Variants in PTBP2 observed in about 807,000 individuals in gnomAD.
PTBP2 encodes polypyrimidine tract binding protein 2, also known as polypyrimidine tract-binding protein 2.
A neutral mutation model predicts 61.4 loss-of-function variants in PTBP2; 13 were observed. The ratio of observed to expected loss-of-function variants is 0.21; its 90% confidence interval spans 0.14 to 0.34. The LOEUF is 0.34. Ranked by LOEUF, PTBP2 falls within the 10% of genes least tolerant of loss-of-function variation. PTBP2 has a pLI of 1.00. For missense variants in PTBP2, 405 were observed against 642.6 expected, an observed-to-expected ratio of 0.63 and a Z score of 4.00; for synonymous variants, 215 against 218.5, an observed-to-expected ratio of 0.98 and a Z score of 0.14.
chr1:96,806,400 CTCT>C lies in PTBP2; in HGVS notation c.1045-15_1045-13del, dbSNP rs1661501088. On this transcript the variant is annotated splice_polypyrimidine_tract_variant and intron_variant, in intron 9 of 13. Coordinates refer to ENST00000674951, the MANE Select transcript of PTBP2 (RefSeq NM_021190.4). ...CTCTCTTCTTGTCTTACGCTGCTTG[CTCT>C]TCTCTCCTTCTAAAGATGGTTACGC... The C allele has an allele frequency of 6.4e-7, 1 of 1,559,304 alleles. No individual in the cohort carries two copies. The highest frequency in any genetic ancestry group is 2.2e-5 in the East Asian group (1 of 44,610).
intron 7 of PTBP2, among the ~76,000 whole-genome samples, chr1:96,781,764 C>T (rs1295130154): frequency 6.6e-6 from 1 of 151,900 alleles, no homozygotes; most frequent in Admixed American, 6.6e-5. Flanking sequence ...TTGCTTTCTG[C>T]TGTATTTATT....
intron 2 of PTBP2, among the ~76,000 whole-genome samples, chr1:96,748,926 G>A (rs1023131903): frequency 6.6e-6 from 1 of 152,062 alleles, no homozygotes; most frequent in Non-Finnish European, 1.5e-5. Flanking sequence ...GCAAAGACAG[G>A]CATAATTGCT....
At chr1:96,724,384 G>GA in intron 2 of PTBP2, among the ~76,000 whole-genome samples, 1 of 152,062 alleles carries the variant, frequency 6.6e-6, no homozygotes, top group African/African-American at 2.4e-5. Context: ...CTGAGTAGCT[G>GA]GGATTACAGG....
intron 11 of PTBP2, among the ~76,000 whole-genome samples, chr1:96,809,713 T>TC: frequency 6.6e-6 from 1 of 152,232 alleles, no homozygotes; most frequent in Non-Finnish European, 1.5e-5. Flanking sequence ...AGAGATGAGT[T>TC]CTCACTGTGT....
chr1:96,809,185 G>T (rs1661793467), intron 11 of PTBP2, among the ~76,000 whole-genome samples: 1 of 152,032 alleles, frequency 6.6e-6, no homozygotes, highest in Non-Finnish European at 1.5e-5. Context: ...TATAGTGGTG[G>T]ATTTCAATTC....
rs542396898 is a variant in PTBP2 at position 96,744,230 on chromosome 1, A to C, written c.40-7195A>C. 2.4e-4 allele frequency among the ~76,000 whole-genome samples: 37 copies of C among 152,290 alleles called. No individual in the cohort carries two copies. In the East Asian group the frequency reaches 2.7e-3, roughly 11 times the overall value. ...CAGACTGAGATTCCATCTAAAAACA[A>C]AACCATGTATATATGTAAGTTTGAG... is the stretch of plus-strand genomic sequence containing the variant. On this transcript the variant is annotated intron_variant, in intron 2 of 13. Transcript: ENST00000674951.
At position 96,797,544 on chromosome 1, in the gene PTBP2, C is replaced by T. The variant is rs533935022; in HGVS notation, c.905-7256C>T. Among the ~76,000 whole-genome samples the T allele has an allele frequency of 8.5e-5, 13 of 152,122 alleles. No individual in the cohort carries two copies. The East Asian group carries it at 1.7e-3, about 20-fold the overall frequency. ...ATCAGGAAATGTAAAATGTGCCTTCCAGACCCCTTGGTGGTATACATGGGA... is the reference window on the plus strand; with the variant it reads ...ATCAGGAAATGTAAAATGTGCCTTCTAGACCCCTTGGTGGTATACATGGGA... On this transcript the variant is annotated intron_variant, in intron 8 of 13. Coordinates refer to ENST00000674951, the MANE Select transcript of PTBP2 (RefSeq NM_021190.4).
chr1:96,779,316 T>G (rs555259533), intron 7 of PTBP2, among the ~76,000 whole-genome samples: 27 of 152,098 alleles, frequency 1.8e-4, no homozygotes, highest in Non-Finnish European at 3.5e-4. Flanking sequence ...CTTCAAACGT[T>G]TAAATATAGT....
rs1057502145 is a variant in PTBP2, at chr1:96,743,456, C to G, written c.40-7969C>G. Among the ~76,000 whole-genome samples, 6 of 152,134 alleles carry G rather than the reference C, an allele frequency of 3.9e-5. No homozygotes were observed. The South Asian group carries it at 1.2e-3, about 32-fold the overall frequency. On this transcript the variant is annotated intron_variant, in intron 2 of 13. Coordinates refer to ENST00000674951, the MANE Select transcript of PTBP2 (RefSeq NM_021190.4). The stretch of plus-strand genomic sequence containing the variant: ...CTATGTAATTCCTGTTGTATGTCAG[C>G]TTGCTCCATCTATTACAGAGCGCAT...
chr1:96,775,491 G>A (rs1383932323), intron 5 of PTBP2, among the ~76,000 whole-genome samples: 1 of 152,192 alleles, frequency 6.6e-6, no homozygotes, highest in Non-Finnish European at 1.5e-5. Context: ...AACATGGGTA[G>A]TGTACATCAT....
intron 3 of PTBP2, among the ~76,000 whole-genome samples, chr1:96,751,952 T>A (rs1173125253): frequency 2.0e-5 from 3 of 152,114 alleles, no homozygotes; most frequent in Non-Finnish European, 4.4e-5. Flanking sequence ...TTTTAACTAA[T>A]TTTTTGCTGA....
chr1:96,755,309 C>G (rs950232697), intron 3 of PTBP2, among the ~76,000 whole-genome samples: 5 of 152,080 alleles, frequency 3.3e-5, no homozygotes, highest in Non-Finnish European at 7.4e-5. Context: ...TATTACAAAC[C>G]TATTAATAGT....
intron 2 of PTBP2, among the ~76,000 whole-genome samples, chr1:96,741,548 C>A (rs1042688634): frequency 1.3e-5 from 2 of 152,258 alleles, no homozygotes; most frequent in South Asian, 4.2e-4. Context: ...AGGCGTGAGT[C>A]GCTGTGCCTG....
In PTBP2 at chr1:96,785,184, A is replaced by T. The variant is rs148604182; in HGVS notation, c.834A>T (p.Pro278=). The change falls in exon 8 of 14, where the codon CCA becomes CCT. Residue 278 remains proline (P), a synonymous_variant. Coordinates refer to ENST00000674951, the MANE Select transcript of PTBP2 (RefSeq NM_021190.4). The part of the protein sequence containing the change: ...KSRDYTRPDL[P]SGDGQPALDP... ...GGGATTATACTCGACCTGATCTTCCATCTGGGGATGGACAACCTGCATTGG... is the reference window on the plus strand; with the variant it reads ...GGGATTATACTCGACCTGATCTTCCTTCTGGGGATGGACAACCTGCATTGG... 5.0e-6 allele frequency: 8 copies of T among 1,611,486 alleles called. No homozygotes were observed. In the Admixed American group the frequency reaches 1.0e-4, roughly 20 times the overall value.
intron 2 of PTBP2, among the ~76,000 whole-genome samples, chr1:96,746,853 C>CT (rs1309245776): frequency 2.3e-5 from 1 of 43,866 alleles, no homozygotes; most frequent in Non-Finnish European, 4.2e-5. Context: ...CCCTCCCTCC[C>CT]CCTCCCTCCG....
chr1:96,760,367 C>T (rs1655664531), intron 3 of PTBP2, among the ~76,000 whole-genome samples: 1 of 151,210 alleles, frequency 6.6e-6, no homozygotes, highest in African/African-American at 2.4e-5. Flanking sequence ...ATTGGCAATA[C>T]CGAATGTTGA....
At chr1:96,742,689 G>GTTTTTTTTTTTTTTTTTTTTTTTT (rs1653197486) in intron 2 of PTBP2, among the ~76,000 whole-genome samples, 1 of 140,718 alleles carries the variant, frequency 7.1e-6, no homozygotes. Context: ...TACTTTTAGA[G>GTTTTTTTTTTTTTTTTTTTTTTTT]TTCTCTTTTT....
intron 3 of PTBP2, among the ~76,000 whole-genome samples, chr1:96,759,664 A>G (rs6677843): frequency 0.27 from 41,016 of 152,158 alleles, 6,767 homozygotes; most frequent in East Asian, 0.44. Context: ...TTAAAGGAAT[A>G]TATAAACTTG....
chr1:96,812,578 C>T, intron 11 of PTBP2, 134 bp from the exon 12 acceptor site: 1 of 729,026 alleles, frequency 1.4e-6, no homozygotes, highest in Non-Finnish European at 2.2e-6. Context: ...GTCTTATCAC[C>T]AGTGGCTATG....
Sources: allele counts gnomAD v4.1 joint callset (sites outside exome capture counted in the v4.1 genomes callset), GRCh38; gene constraint gnomAD v4.1.1; transcripts MANE v1.5; gene names NCBI Gene and HGNC (gene_info 2026-07-23, HGNC 2026-07-21).